Variants in CAP2 observed in about 807,000 individuals in gnomAD.
CAP2 encodes the protein cyclase associated actin cytoskeleton regulatory protein 2, also known as adenylyl cyclase-associated protein 2.
A neutral mutation model predicts 57.7 loss-of-function variants in CAP2; 24 were observed. The ratio of observed to expected loss-of-function variants is 0.42; its 90% CI spans 0.30 to 0.58. The LOEUF is 0.58. CAP2 is among the 20% of genes least tolerant of loss of function. The pLI is 0.22. For missense variants in CAP2, 501 were observed against 590.3 expected, an observed-to-expected ratio of 0.85 and a Z score of 1.57; for synonymous variants, 194 against 207.2, an observed-to-expected ratio of 0.94 and a Z score of 0.55.
intron 4 of CAP2, among the ~76,000 whole-genome samples, chr6:17,499,518 C>T (rs1323241414): frequency 6.6e-6 from 1 of 151,812 alleles, no homozygotes; most frequent in Non-Finnish European, 1.5e-5. Flanking sequence ...ACCAAGTCAC[C>T]AGGTTTTATA....
chr6:17,428,524 G>C (rs565418431), intron 3 of CAP2, among the ~76,000 whole-genome samples: 1 of 151,312 alleles, frequency 6.6e-6, no homozygotes, highest in Non-Finnish European at 1.5e-5. Context: ...GAATAAAGTT[G>C]TGGTTTGGGG....
chr6:17,417,762 C>T (rs1211002434), intron 1 of CAP2, among the ~76,000 whole-genome samples: 1 of 152,152 alleles, frequency 6.6e-6, no homozygotes, highest in Non-Finnish European at 1.5e-5. Flanking sequence ...TGTCATCTAA[C>T]CCAGTCTCTT....
chr6:17,548,805 A>C (rs1232709110), intron 11 of CAP2, among the ~76,000 whole-genome samples: 1 of 152,230 alleles, frequency 6.6e-6, no homozygotes, highest in Non-Finnish European at 1.5e-5. Context: ...CAATAGATGC[A>C]TAGATGGAAA....
At chr6:17,493,626 G>C (rs1761596451) in intron 4 of CAP2, 1 of 166,310 alleles carries the variant, frequency 6.0e-6, no homozygotes, top group African/African-American at 2.4e-5. Flanking sequence ...ACACTGTGTT[G>C]TTCTGAATTG....
chr6:17,404,480 C>T (rs1303530549), intron 1 of CAP2, among the ~76,000 whole-genome samples: 1 of 152,122 alleles, frequency 6.6e-6, no homozygotes, highest in Non-Finnish European at 1.5e-5. Context: ...TGGCGAGTGC[C>T]TGTAGTCCCA....
chr6:17,415,078 T>G (rs865810471), intron 1 of CAP2, among the ~76,000 whole-genome samples: 1 of 152,208 alleles, frequency 6.6e-6, no homozygotes, highest in Non-Finnish European at 1.5e-5. Context: ...ATTTCCTATT[T>G]AATCTTAGAT....
chr6:17,419,297 A>G (rs769856525), intron 1 of CAP2, among the ~76,000 whole-genome samples: 10 of 152,234 alleles, frequency 6.6e-5, no homozygotes, highest in Non-Finnish European at 1.3e-4. Context: ...AAATTTATTT[A>G]CCCCTGCTTT....
intron 7 of CAP2, among the ~76,000 whole-genome samples, chr6:17,529,171 G>C (rs1454943052): frequency 6.6e-6 from 1 of 152,164 alleles, no homozygotes; most frequent in Admixed American, 6.5e-5. Context: ...AGTTTTATGT[G>C]CACCTTTTTA....
At chr6:17,460,108 C>A (rs1489612409) in intron 3 of CAP2, among the ~76,000 whole-genome samples, 1 of 151,986 alleles carries the variant, frequency 6.6e-6, no homozygotes, top group Admixed American at 6.6e-5. Context: ...AGTCAATTTC[C>A]TACAAGGGAG....
intron 7 of CAP2, among the ~76,000 whole-genome samples, chr6:17,515,134 T>C (rs1174989209): frequency 6.6e-6 from 1 of 151,698 alleles, no homozygotes; most frequent in East Asian, 1.9e-4. Flanking sequence ...GAGGCGGAGA[T>C]TGCAGTGAGC....
At chr6:17,443,956 T>C (rs1760169986) in intron 3 of CAP2, among the ~76,000 whole-genome samples, 1 of 152,216 alleles carries the variant, frequency 6.6e-6, no homozygotes, top group African/African-American at 2.4e-5. Flanking sequence ...AACTCACATG[T>C]GTTTGCAATA....
chr6:17,411,174 C>T (rs1369117500), intron 1 of CAP2, among the ~76,000 whole-genome samples: 1 of 152,112 alleles, frequency 6.6e-6, no homozygotes, highest in Non-Finnish European at 1.5e-5. Context: ...ATACATATGC[C>T]ATATTTTGCT....
At chr6:17,547,586 A>T (rs1021211217) in intron 11 of CAP2, among the ~76,000 whole-genome samples, 1 of 152,212 alleles carries the variant, frequency 6.6e-6, no homozygotes. Context: ...TCACGCCTGT[A>T]ATCCCAGCAT....
At chr6:17,421,866 C>T (rs1382739092) in intron 2 of CAP2, among the ~76,000 whole-genome samples, 190 bp downstream of exon 2, 1 of 152,268 alleles carries the variant, frequency 6.6e-6, no homozygotes, top group Admixed American at 6.5e-5. Flanking sequence ...TTTCAACCCA[C>T]AATCCACAAC....
At chr6:17,490,639 A>G (rs1043814438) in intron 4 of CAP2, among the ~76,000 whole-genome samples, 20 of 152,292 alleles carry the variant, frequency 1.3e-4, no homozygotes, top group African/African-American at 3.8e-4. Context: ...GGTCCTGCCC[A>G]TGAGTTTTCG....
rs1763326050 is a variant in CAP2, at chr6:17,556,897, T to G, written c.*455T>G. 6.2e-6 allele frequency: 1 copy of G among 160,540 alleles called. No homozygotes were observed. The highest frequency in any genetic ancestry group is 1.4e-5 in the Non-Finnish European group (1 of 73,134). 9.9% of individuals were successfully genotyped at this position (160,540 alleles called of 1,614,324 possible). A position where few individuals can be genotyped will look rare whatever the true frequency, so the allele number is the denominator to read the frequency against. On this transcript the variant is annotated 3_prime_UTR_variant, in exon 13 of 13. Transcript: ENST00000229922. ...AGTGTGCCCTGAAAAATGTACACGT[T>G]TTTTCTTATTGTTACCACATGTTCA...
chr6:17,463,134 A>G, intron 4 of CAP2, 61 bp downstream of exon 4: 5 of 1,201,708 alleles, frequency 4.2e-6, no homozygotes, highest in Non-Finnish European at 6.2e-6. Context: ...GATGGAAAAC[A>G]AGGAGGCAAC....
intron 3 of CAP2, among the ~76,000 whole-genome samples, chr6:17,434,739 T>A (rs1167050161): frequency 6.6e-6 from 1 of 152,158 alleles, no homozygotes; most frequent in Non-Finnish European, 1.5e-5. Flanking sequence ...CTTTTATTAC[T>A]AAACGGTCAC....
chr6:17,520,062 A>AT (rs1282591586), intron 7 of CAP2, among the ~76,000 whole-genome samples: 7 of 152,314 alleles, frequency 4.6e-5, no homozygotes, highest in African/African-American at 1.4e-4. Flanking sequence ...ATACAGTCTT[A>AT]TGTAATAGTG....
Sources: allele counts gnomAD v4.1 joint callset (sites outside exome capture counted in the v4.1 genomes callset), GRCh38; gene constraint gnomAD v4.1.1; transcripts MANE v1.5; gene names NCBI Gene and HGNC (gene_info 2026-07-23, HGNC 2026-07-21).